The following LINGO2 variants were observed in gnomAD, a reference collection of about 807,000 sequenced individuals.
LINGO2 encodes the protein leucine-rich repeat and immunoglobulin-like domain-containing nogo receptor-interacting protein 2.
Under a neutral mutation model 30.6 loss-of-function variants are expected in LINGO2, and 14 were observed. That is an observed-to-expected ratio of 0.46 (90% confidence interval 0.30 to 0.72). LINGO2 has a LOEUF of 0.72. LINGO2 is among the 30% of genes least tolerant of loss of function. The pLI is 0.07. For synonymous variants in LINGO2, 317 were observed against 288.5 expected (o/e 1.10, Z -1.00); for missense variants, 729 against 751.7 (o/e 0.97, Z 0.35).
At chr9:28,552,352 G>A (rs936221815) in intron 1 of LINGO2, among the ~76,000 whole-genome samples, 7 of 151,964 alleles carry the variant, frequency 4.6e-5, no homozygotes, top group African/African-American at 1.7e-4. Context: ...AACTGCACGG[G>A]AGATAAAAGT....
At chr9:28,533,524 C>A (rs1464347717) in intron 1 of LINGO2, among the ~76,000 whole-genome samples, 1 of 152,150 alleles carries the variant, frequency 6.6e-6, no homozygotes, top group East Asian at 1.9e-4. Flanking sequence ...AGGAAGGAGT[C>A]AGGACATAAA....
intron 1 of LINGO2, among the ~76,000 whole-genome samples, chr9:28,663,946 T>C (rs1011404022): frequency 6.6e-6 from 1 of 152,118 alleles, no homozygotes; most frequent in Non-Finnish European, 1.5e-5. Context: ...GCTTGAGTTA[T>C]TTAAGTCCCT....
the LINGO2 span, among the ~76,000 whole-genome samples, chr9:29,150,530 G>A: frequency 4.6e-5 from 7 of 152,110 alleles, no homozygotes; most frequent in African/African-American, 7.2e-5. Context: ...CCAGTGAAAC[G>A]ATCCAAGAGC....
At chr9:28,318,110 GT>G (rs1490229456) in intron 3 of LINGO2, among the ~76,000 whole-genome samples, 2 of 152,138 alleles carry the variant, frequency 1.3e-5, no homozygotes, top group Admixed American at 1.3e-4. Context: ...GGTTCACTGA[GT>G]TAATATCAGG....
chr9:28,987,002 A>G, the LINGO2 span, among the ~76,000 whole-genome samples: 1 of 151,556 alleles, frequency 6.6e-6, no homozygotes, highest in Non-Finnish European at 1.5e-5. Context: ...GTTAGTATAT[A>G]AAAATGATAC....
chr9:28,682,938 G>A, the LINGO2 span, among the ~76,000 whole-genome samples: 1 of 152,070 alleles, frequency 6.6e-6, no homozygotes. Flanking sequence ...AAGCCACAAT[G>A]AGATGTCTTT....
At chr9:29,047,883 T>C in the LINGO2 span, among the ~76,000 whole-genome samples, 2 of 151,586 alleles carry the variant, frequency 1.3e-5, no homozygotes, top group African/African-American at 2.4e-5. Flanking sequence ...GATGGATCAA[T>C]TGAGGCCAAG....
At chr9:28,696,475 A>G in the LINGO2 span, among the ~76,000 whole-genome samples, 11 of 151,968 alleles carry the variant, frequency 7.2e-5, no homozygotes, top group Admixed American at 2.0e-4. Flanking sequence ...AGAGTCTCCA[A>G]TAGAGCTTTA....
At chr9:27,953,556 C>T (rs925894153) in intron 5 of LINGO2, among the ~76,000 whole-genome samples, 2 of 151,890 alleles carry the variant, frequency 1.3e-5, no homozygotes, top group African/African-American at 4.8e-5. Flanking sequence ...GGGTGGTTAT[C>T]CCCATGCTGC....
the LINGO2 span, among the ~76,000 whole-genome samples, chr9:28,889,161 G>A: frequency 0.041 from 6,251 of 152,176 alleles, 195 homozygotes; most frequent in Admixed American, 0.082. Flanking sequence ...CATCCCTTAA[G>A]CAGGTCACTG....
At chr9:28,777,632 AG>A in the LINGO2 span, among the ~76,000 whole-genome samples, 1 of 152,228 alleles carries the variant, frequency 6.6e-6, no homozygotes, top group Non-Finnish European at 1.5e-5. Context: ...CTCTACTTTA[AG>A]AGAAGAGAGG....
intron 4 of LINGO2, among the ~76,000 whole-genome samples, chr9:28,039,977 A>G (rs1824123427): frequency 6.6e-6 from 1 of 152,118 alleles, no homozygotes; most frequent in African/African-American, 2.4e-5. Context: ...CTCTTTGAAA[A>G]CAAACTATTA....
At chr9:28,354,972 C>T (rs1820109467) in intron 3 of LINGO2, among the ~76,000 whole-genome samples, 1 of 152,122 alleles carries the variant, frequency 6.6e-6, no homozygotes, top group South Asian at 2.1e-4. Flanking sequence ...CTTTTCAGTG[C>T]AGCAGCTTTT....
intron 4 of LINGO2, among the ~76,000 whole-genome samples, chr9:28,153,567 T>A (rs1252186457): frequency 6.6e-6 from 1 of 152,162 alleles, no homozygotes; most frequent in Admixed American, 6.5e-5. Context: ...AATCACATAT[T>A]TATAAAAAGT....
the LINGO2 span, among the ~76,000 whole-genome samples, chr9:28,909,532 T>G: frequency 2.0e-5 from 3 of 152,016 alleles, no homozygotes; most frequent in Non-Finnish European, 4.4e-5. Context: ...AATGGAATAC[T>G]TAAACTTTCA....
intron 4 of LINGO2, among the ~76,000 whole-genome samples, chr9:28,215,201 T>C (rs1328090308): frequency 6.6e-6 from 1 of 151,876 alleles, no homozygotes; most frequent in African/African-American, 2.4e-5. Context: ...TATATAGCTA[T>C]GATATCTAAC....
intron 2 of LINGO2, among the ~76,000 whole-genome samples, chr9:28,395,299 A>C (rs2134710741): frequency 6.6e-6 from 1 of 152,352 alleles, no homozygotes; most frequent in African/African-American, 2.4e-5. Context: ...AAAATGTATT[A>C]GTGAATAGCT....
chr9:28,845,066 G>A, the LINGO2 span, among the ~76,000 whole-genome samples: 1 of 151,816 alleles, frequency 6.6e-6, no homozygotes, highest in South Asian at 2.1e-4. Flanking sequence ...AAAGTTAAGA[G>A]TATTTGAAAT....
At chr9:28,694,776 G>C in the LINGO2 span, among the ~76,000 whole-genome samples, 390 of 152,074 alleles carry the variant, frequency 2.6e-3, 3 homozygotes, top group Admixed American at 0.012. Flanking sequence ...GGGGGCTCTA[G>C]TAATGAAAGG....
Sources: allele counts gnomAD v4.1 joint callset (sites outside exome capture counted in the v4.1 genomes callset), GRCh38; gene constraint gnomAD v4.1.1; transcripts MANE v1.5; gene names NCBI Gene and HGNC (gene_info 2026-07-23, HGNC 2026-07-21).